SCML4: variants seen among roughly 807,000 people sequenced by gnomAD.
The protein encoded by SCML4 is Scm polycomb group protein like 4.
SCML4 carries 34 observed loss-of-function variants against 41.1 expected under a neutral mutation model. The observed-to-expected ratio is 0.83, with a 90% CI of 0.63 to 1.10. The LOEUF (loss-of-function observed/expected upper bound fraction) is 1.10. Among genes scored for constraint, SCML4 ranks in the 50% least tolerant of loss-of-function variants. The probability of loss-of-function intolerance (pLI) is 0.00; values close to 1 mark genes in which losing one functional copy is unlikely to be tolerated. For missense variants in SCML4, 522 were observed against 534.1 expected, an observed-to-expected ratio of 0.98 and a Z score of 0.22; for synonymous variants, 214 against 220.9, an observed-to-expected ratio of 0.97 and a Z score of 0.28.
chr6:107,837,902 T>A, the SCML4 span, among the ~76,000 whole-genome samples: 1 of 133,724 alleles, frequency 7.5e-6, no homozygotes, highest in Non-Finnish European at 1.6e-5. Context: ...TTATTATGAT[T>A]TTCTTTTTTT....
chr6:107,712,593 G>A (rs1291445684), intron 6 of SCML4, among the ~76,000 whole-genome samples: 1 of 152,144 alleles, frequency 6.6e-6, no homozygotes, highest in African/African-American at 2.4e-5. Context: ...GCTCGGGCGT[G>A]TTTCTTAGGG....
At chr6:107,844,145 A>G in the SCML4 span, among the ~76,000 whole-genome samples, 1 of 152,204 alleles carries the variant, frequency 6.6e-6, no homozygotes. Flanking sequence ...AATGTAAACC[A>G]TGCAACAAAG....
At chr6:107,786,861 G>T (rs1395202187) in intron 1 of SCML4, among the ~76,000 whole-genome samples, 1 of 152,208 alleles carries the variant, frequency 6.6e-6, no homozygotes, top group Non-Finnish European at 1.5e-5. Context: ...GCAATAAGAC[G>T]CAGAGCATCC....
chr6:107,755,149 C>T (rs1562222874), intron 2 of SCML4, among the ~76,000 whole-genome samples: 1 of 151,872 alleles, frequency 6.6e-6, no homozygotes. Flanking sequence ...ACTGAACCCA[C>T]CTCAAATGAA....
chr6:107,728,997 G>A (rs1363164483), intron 5 of SCML4, among the ~76,000 whole-genome samples: 1 of 152,188 alleles, frequency 6.6e-6, no homozygotes, highest in Non-Finnish European at 1.5e-5. Context: ...TCATAGCTAA[G>A]CGTAAAAGTG....
At chr6:107,750,692 G>A (rs1677771193) in intron 2 of SCML4, among the ~76,000 whole-genome samples, 1 of 152,094 alleles carries the variant, frequency 6.6e-6, no homozygotes, top group African/African-American at 2.4e-5. Flanking sequence ...GTTAAGGCTG[G>A]GGACCCTTGC....
chr6:107,732,785 A>G (rs1776694657), intron 5 of SCML4, among the ~76,000 whole-genome samples: 1 of 152,200 alleles, frequency 6.6e-6, no homozygotes, highest in Non-Finnish European at 1.5e-5. Context: ...TCCTGTGGTC[A>G]CGCTGTTTCC....
intron 1 of SCML4, among the ~76,000 whole-genome samples, chr6:107,806,532 T>C (rs1028184779): frequency 2.6e-5 from 4 of 152,346 alleles, no homozygotes; most frequent in Admixed American, 1.3e-4. Context: ...ATAGTGGGGA[T>C]TCTGCTCCTT....
intron 1 of SCML4, among the ~76,000 whole-genome samples, chr6:107,818,870 C>T (rs1254147132): frequency 6.6e-6 from 1 of 152,212 alleles, no homozygotes; most frequent in Non-Finnish European, 1.5e-5. Flanking sequence ...CCAAGTGTTT[C>T]ATGGGCCTGG....
At chr6:107,842,230 A>C in the SCML4 span, among the ~76,000 whole-genome samples, 1 of 152,158 alleles carries the variant, frequency 6.6e-6, no homozygotes. Context: ...AATTTTCCAA[A>C]TATCTTACTT....
intron 2 of SCML4, chr6:107,755,691 T>A: frequency 8.9e-7 from 1 of 1,119,842 alleles, no homozygotes. Context: ...AGCTGTCTAT[T>A]TTGTTTTTTA....
rs188222459 is a variant in SCML4 at position 107,818,341 on chromosome 6, C to T, written c.-60+5785G>A. 2.0e-5 allele frequency among the ~76,000 whole-genome samples: 3 copies of T among 150,318 alleles called. No homozygotes were observed. The East Asian group carries it at 5.8e-4, about 29-fold the overall frequency. ...AGCATGAACCAAATCTTGCTTGAAT[C>T]CAACAAATGACCACAGATTCCTCAC... On this transcript the variant is annotated intron_variant, in intron 1 of 7. Coordinates refer to ENST00000369020, the MANE Select transcript of SCML4 (RefSeq NM_198081.5).
In SCML4 at chr6:107,813,286, C is replaced by T. The variant is rs563648178; in HGVS notation, c.-60+10840G>A. ...GCTGAGGTGGGAGGATGGCTTGAGC[C>T]TGGGAGGCAGAGGCTGCAGTGAGCT... On this transcript the variant is annotated intron_variant, in intron 1 of 7. Transcript: ENST00000369020. 4.1e-4 allele frequency among the ~76,000 whole-genome samples: 61 copies of T among 148,876 alleles called. 1 individual carries two copies. Among genetic ancestry groups the T allele is most frequent in the Non-Finnish European group, 7.1e-4 (48 of 67,458 alleles).
At chr6:107,841,739 A>C in the SCML4 span, among the ~76,000 whole-genome samples, 1 of 152,234 alleles carries the variant, frequency 6.6e-6, no homozygotes, top group Non-Finnish European at 1.5e-5. Flanking sequence ...AGTATTTTTT[A>C]AAACATTTAC....
At chr6:107,763,781 G>C (rs1779813585) in intron 2 of SCML4, among the ~76,000 whole-genome samples, 1 of 152,216 alleles carries the variant, frequency 6.6e-6, no homozygotes. Context: ...CCATTGCCAA[G>C]ACAGCCCTCA....
At chr6:107,711,245 C>T (rs1168714201) in intron 6 of SCML4, among the ~76,000 whole-genome samples, 1 of 152,180 alleles carries the variant, frequency 6.6e-6, no homozygotes, top group Admixed American at 6.5e-5. Context: ...CTAGGTGAAG[C>T]GTTTGGTGAA....
chr6:107,740,675 C>T (rs1012665383), intron 5 of SCML4, among the ~76,000 whole-genome samples: 2 of 152,198 alleles, frequency 1.3e-5, no homozygotes, highest in African/African-American at 4.8e-5. Flanking sequence ...GAGATTTACC[C>T]CCAGAGGCCT....
At chr6:107,763,813 C>T (rs1779816320) in intron 2 of SCML4, among the ~76,000 whole-genome samples, 1 of 152,198 alleles carries the variant, frequency 6.6e-6, no homozygotes, top group African/African-American at 2.4e-5. Context: ...CCTGCTGCAC[C>T]TTGATCTTGG....
At chr6:107,727,391 T>C (rs1382202253) in intron 5 of SCML4, among the ~76,000 whole-genome samples, 1 of 152,224 alleles carries the variant, frequency 6.6e-6, no homozygotes, top group Admixed American at 6.5e-5. Flanking sequence ...AAATGGTGAA[T>C]TGTATGATAT....
Sources: gnomAD v4.1 joint callset for allele counts (sites outside exome capture counted in the v4.1 genomes callset) on GRCh38, gnomAD v4.1.1 for gene constraint, MANE v1.5 for transcripts, NCBI Gene and HGNC (gene_info 2026-07-23, HGNC 2026-07-21) for gene names.